CNTN6: variants seen among roughly 807,000 people sequenced by gnomAD.
CNTN6 encodes contactin-6.
A neutral mutation model predicts 122.8 loss-of-function variants in CNTN6; 137 were observed. The observed-to-expected ratio is 1.12, with a 90% CI of 0.97 to 1.29. The LOEUF is 1.29. Among genes scored for constraint, CNTN6 ranks in the 50% most tolerant of loss-of-function variants. The probability of loss-of-function intolerance (pLI) is 0.00; values close to 1 mark genes in which losing one functional copy is unlikely to be tolerated. For missense variants in CNTN6, 1,634 were observed against 1,223.4 expected (o/e 1.34, Z -5.01); for synonymous variants, 570 against 426.0 (o/e 1.34, Z -4.16).
At chr3:1,255,433 G>C (rs73818519) in intron 4 of CNTN6, among the ~76,000 whole-genome samples, 4 of 131,870 alleles carry the variant, frequency 3.0e-5, no homozygotes, top group Non-Finnish European at 4.9e-5. Flanking sequence ...AAAAAAGAAA[G>C]AAAGAAAGAA....
At chr3:1,235,903 C>T (rs2094415229) in intron 4 of CNTN6, among the ~76,000 whole-genome samples, 1 of 151,864 alleles carries the variant, frequency 6.6e-6, no homozygotes, top group East Asian at 1.9e-4. Context: ...GCCTTTAGGA[C>T]TCACGCTGTG....
At chr3:1,134,036 C>T (rs979271544) in intron 1 of CNTN6, among the ~76,000 whole-genome samples, 1 of 151,966 alleles carries the variant, frequency 6.6e-6, no homozygotes, top group African/African-American at 2.4e-5. Context: ...ATACATATAT[C>T]CAGGTAGCTA....
intron 4 of CNTN6, among the ~76,000 whole-genome samples, chr3:1,258,407 A>G (rs2094793641): frequency 6.6e-6 from 1 of 152,144 alleles, no homozygotes; most frequent in Non-Finnish European, 1.5e-5. Context: ...TAGCAATAAA[A>G]TAAGATTTCA....
At chr3:1,170,241 A>AC (rs2093336169) in intron 2 of CNTN6, among the ~76,000 whole-genome samples, 1 of 31,002 alleles carries the variant, frequency 3.2e-5, no homozygotes, top group Non-Finnish European at 5.9e-5. Context: ...CATCTCAAAA[A>AC]AAAAAAAAAA....
intron 19 of CNTN6, among the ~76,000 whole-genome samples, chr3:1,384,679 TATATATATACAC>T (rs1249961117): frequency 1.1e-3 from 108 of 99,050 alleles, no homozygotes; most frequent in Middle Eastern, 5.6e-3. Context: ...TATATATATA[TATATATATACAC>T]ACACACACAC....
At position 1,391,812 on chromosome 3, in the gene CNTN6, CA is replaced by C. The variant is rs879913168; in HGVS notation, c.2704+6018del. Among the ~76,000 whole-genome samples, 860 of 149,934 alleles carry C rather than the reference CA, an allele frequency of 5.7e-3. 4 individuals are homozygous for C. The highest frequency in any genetic ancestry group is 0.017 in the Middle Eastern group (5 of 294). ...AGTGAACTCCCATTCACAATTGCTT[CA>C]AAGAGAATAAAATACCTAGGAATCC... On this transcript the variant is annotated intron_variant, in intron 20 of 22. Coordinates refer to ENST00000446702, the MANE Select transcript of CNTN6 (RefSeq NM_001289080.2).
Position 1,243,368 on chromosome 3 carries a change from G to C in CNTN6, c.358+15375G>C, listed in dbSNP as rs368921199. ...TGCTGGAGATGTGGCTGGGGTTTGT[G>C]TCACAGTGGAGGCAAGGAATTGCAA... On this transcript the variant is annotated intron_variant, in intron 4 of 22. Transcript: ENST00000446702. Among the ~76,000 whole-genome samples, 490 of 152,116 alleles carry C rather than the reference G, an allele frequency of 3.2e-3. 3 individuals are homozygous for C. The highest frequency in any genetic ancestry group is 0.01 in the African/African-American group (424 of 41,464).
chr3:1,275,656 G>A (rs1447381093), intron 4 of CNTN6, among the ~76,000 whole-genome samples: 1 of 152,162 alleles, frequency 6.6e-6, no homozygotes. Context: ...CCTGCCACTA[G>A]ATGGTGCCAT....
At chr3:1,355,992 C>A (rs1210502166) in intron 12 of CNTN6, among the ~76,000 whole-genome samples, 1 of 151,756 alleles carries the variant, frequency 6.6e-6, no homozygotes, top group Non-Finnish European at 1.5e-5. Context: ...CAATTAGCAG[C>A]AGCTTTTCCA....
At chr3:1,399,292 G>T (rs1306473876) in intron 20 of CNTN6, among the ~76,000 whole-genome samples, 1 of 152,066 alleles carries the variant, frequency 6.6e-6, no homozygotes, top group Non-Finnish European at 1.5e-5. Context: ...ATCTTTTATA[G>T]CTGAGAAAAA....
At chr3:1,315,410 T>C (rs1175330624) in intron 7 of CNTN6, among the ~76,000 whole-genome samples, 1 of 151,880 alleles carries the variant, frequency 6.6e-6, no homozygotes, top group African/African-American at 2.4e-5. Flanking sequence ...CACAATAAAT[T>C]AGCGTGCTCT....
chr3:1,105,813 G>A (rs1409463371), intron 1 of CNTN6, among the ~76,000 whole-genome samples: 1 of 152,054 alleles, frequency 6.6e-6, no homozygotes, highest in Non-Finnish European at 1.5e-5. Context: ...TTAAGTGCCT[G>A]CTTAATGAAT....
intron 1 of CNTN6, among the ~76,000 whole-genome samples, chr3:1,107,032 C>G (rs2091258422): frequency 1.3e-5 from 2 of 151,948 alleles, no homozygotes; most frequent in Non-Finnish European, 2.9e-5. Flanking sequence ...TATTAAGGGT[C>G]TCAATGGATT....
intron 1 of CNTN6, among the ~76,000 whole-genome samples, chr3:1,138,283 C>T (rs963079534): frequency 2.0e-5 from 3 of 151,944 alleles, no homozygotes; most frequent in Admixed American, 2.0e-4. Context: ...AGATTTTTAG[C>T]AACTATGTAA....
intron 5 of CNTN6, among the ~76,000 whole-genome samples, chr3:1,280,339 C>T (rs897800419): frequency 1.8e-4 from 27 of 151,956 alleles, no homozygotes; most frequent in Admixed American, 1.3e-3. Flanking sequence ...ATTGTAACAG[C>T]GCCCGTGGGG....
intron 12 of CNTN6, among the ~76,000 whole-genome samples, chr3:1,361,898 A>G (rs1333979715): frequency 6.6e-6 from 1 of 152,094 alleles, no homozygotes; most frequent in Admixed American, 6.6e-5. Flanking sequence ...AAATTTGTCA[A>G]TTCCTAAGCA....
intron 11 of CNTN6, among the ~76,000 whole-genome samples, chr3:1,331,300 C>T (rs755752038): frequency 1.3e-5 from 2 of 151,942 alleles, no homozygotes; most frequent in Non-Finnish European, 2.9e-5. Flanking sequence ...ATGTCCTGTG[C>T]CTTGGCACAG....
At chr3:1,194,145 C>T (rs1024459355) in intron 2 of CNTN6, among the ~76,000 whole-genome samples, 1 of 150,960 alleles carries the variant, frequency 6.6e-6, no homozygotes, top group African/African-American at 2.5e-5. Context: ...AACAATTAAT[C>T]CAGAAATGCT....
chr3:1,295,613 C>A lies in CNTN6; in HGVS notation c.467C>A (p.Ala156Glu), dbSNP rs749434572. Residue 156 changes from alanine (A) to glutamate (E), a missense_variant, in exon 6 of 23, where the codon GCA becomes GAA. Coordinates refer to ENST00000446702, the MANE Select transcript of CNTN6 (RefSeq NM_001289080.2). ...TCTTGTTTTTCAGATTTATCTTATG[C>A]ATGGACCTTCAATGATAACCCCTTA... ...PPPHFGDLSYAWTFNDNPLYV... is the reference protein window; with the variant it reads ...PPPHFGDLSYEWTFNDNPLYV... 2 of 1,613,102 alleles carry A rather than the reference C, an allele frequency of 1.2e-6. No homozygotes were observed. The highest frequency in any genetic ancestry group is 2.2e-5 in the South Asian group (2 of 91,054).
Sources: allele counts gnomAD v4.1 joint callset (sites outside exome capture counted in the v4.1 genomes callset), GRCh38; gene constraint gnomAD v4.1.1; transcripts MANE v1.5; gene names NCBI Gene and HGNC (gene_info 2026-07-23, HGNC 2026-07-21).